The following CRY2 variants were observed in gnomAD, a reference collection of about 807,000 sequenced individuals.
CRY2 encodes cryptochrome-2.
Under a neutral mutation model 69.5 loss-of-function variants are expected in CRY2, and 31 were observed. The ratio of observed to expected loss-of-function variants is 0.45; its 90% CI spans 0.34 to 0.60. The LOEUF is 0.60. Among genes scored for constraint, CRY2 ranks in the 20% least tolerant of loss-of-function variants. The pLI is 0.02. For missense variants in CRY2, 606 were observed against 797.8 expected (o/e 0.76, Z 2.90); for synonymous variants, 303 against 312.2 (o/e 0.97, Z 0.31).
chr11:45,849,563 G>A (rs947014407), intron 1 of CRY2, among the ~76,000 whole-genome samples: 19 of 151,958 alleles, frequency 1.3e-4, no homozygotes, highest in Admixed American at 9.2e-4. Flanking sequence ...CTTGGCTGCT[G>A]TGCATTGGAA....
chr11:45,847,678 C>T lies in CRY2; in HGVS notation c.188C>T (p.Ser63Phe), dbSNP rs1207063823. Residue 63 changes from serine (S) to phenylalanine (F), a missense_variant, in exon 1 of 12, where the codon TCC becomes TTC. Ser to Phe is a radical substitution (Grantham distance 155). Coordinates refer to ENST00000616080, the MANE Select transcript of CRY2 (RefSeq NM_021117.5). The part of the protein sequence containing the change: ...VYILDPWFAA[S>F]SSVGINRWRF... ...ATTCTCGACCCGTGGTTCGCGGCCTCCTCCTCAGTCGGGATCAACCGATGG... is the reference window on the plus strand; with the variant it reads ...ATTCTCGACCCGTGGTTCGCGGCCTTCTCCTCAGTCGGGATCAACCGATGG... 1.9e-6 allele frequency: 3 copies of T among 1,583,480 alleles called. No individual in the cohort carries two copies. Among genetic ancestry groups the T allele is most frequent in the African/African-American group, 1.3e-5 (1 of 74,450 alleles).
rs751909436 is a variant in CRY2, at chr11:45,869,657, C to T, written c.1034C>T (p.Ala345Val). 1.2e-6 allele frequency: 2 copies of T among 1,614,152 alleles called. No homozygotes were observed. Among genetic ancestry groups the T allele is most frequent in the East Asian group, 4.5e-5 (2 of 44,900 alleles). ...ATCCCCTGGGACCGCAATCCTGAGGCCCTGGCCAAGTGGGCTGAGGGCAAG... is the reference window on the plus strand; with the variant it reads ...ATCCCCTGGGACCGCAATCCTGAGGTCCTGGCCAAGTGGGCTGAGGGCAAG... ...IQIPWDRNPE[A>V]LAKWAEGKTG... The change falls in exon 7 of 12, where the codon GCC becomes GTC. Residue 345 changes from alanine (A) to valine (V), a missense_variant. Transcript: ENST00000616080.
Position 45,870,352 on chromosome 11 carries a change from G to A in CRY2, c.1369G>A (p.Ala457Thr), listed in dbSNP as rs981321835. The A allele has an allele frequency of 9.9e-6, 16 of 1,614,084 alleles. No homozygotes were observed. Among genetic ancestry groups the A allele is most frequent in the Non-Finnish European group, 1.4e-5 (16 of 1,180,058 alleles). Reference sequence around the variant, plus strand: ...CAGGCGATACCTGCCCAAATTGAAAGCGTTCCCCTCTCGATACATCTATGA... The same window carrying A: ...CAGGCGATACCTGCCCAAATTGAAAACGTTCCCCTCTCGATACATCTATGA... Reference protein sequence around the residue: ...YIRRYLPKLKAFPSRYIYEPW... With the variant: ...YIRRYLPKLKTFPSRYIYEPW... Residue 457 changes from alanine (A) to threonine (T), a missense_variant, in exon 9 of 12, where the codon GCG (alanine) becomes ACG (threonine). Physicochemically the swap from Ala to Thr is moderately conservative, Grantham distance 58. Transcript: ENST00000616080.
intron 11 of CRY2, among the ~76,000 whole-genome samples, chr11:45,875,545 G>A (rs1033319755): frequency 6.6e-6 from 1 of 152,206 alleles, no homozygotes; most frequent in Admixed American, 6.5e-5. Context: ...TCTTGCCCTG[G>A]AGTCCAGAAG....
intron 11 of CRY2, among the ~76,000 whole-genome samples, chr11:45,880,631 A>C (rs1307823871): frequency 6.6e-6 from 1 of 152,200 alleles, no homozygotes; most frequent in East Asian, 1.9e-4. Context: ...TGACTCTCAC[A>C]TAGCCTTGTC....
intron 5 of CRY2, 69 bp downstream of exon 5, chr11:45,862,217 T>A (rs918396399): frequency 7.0e-7 from 1 of 1,437,890 alleles, no homozygotes. Context: ...ACAGGTCATG[T>A]CCATGTCCTT....
intron 5 of CRY2, among the ~76,000 whole-genome samples, chr11:45,866,205 G>A (rs1302623026): frequency 2.0e-5 from 3 of 152,210 alleles, no homozygotes; most frequent in African/African-American, 7.2e-5. Flanking sequence ...CTGCCTGAGA[G>A]GCAGCCAAGT....
chr11:45,878,526 A>T (rs543401975), intron 11 of CRY2, among the ~76,000 whole-genome samples: 4 of 152,222 alleles, frequency 2.6e-5, no homozygotes, highest in Non-Finnish European at 5.9e-5. Flanking sequence ...CAATAAATAC[A>T]TGTACACCTT....
intron 10 of CRY2, among the ~76,000 whole-genome samples, chr11:45,871,693 A>G (rs1429076006): frequency 1.3e-5 from 2 of 152,198 alleles, no homozygotes; most frequent in African/African-American, 4.8e-5. Flanking sequence ...GGGTTTTTCT[A>G]GTTGGCCCAG....
At chr11:45,857,319 T>C (rs1207345486) in intron 2 of CRY2, among the ~76,000 whole-genome samples, 7 of 152,094 alleles carry the variant, frequency 4.6e-5, no homozygotes. Context: ...GAAACAGTCA[T>C]TGGTTGTGAA....
Position 45,869,708 on chromosome 11 carries a change from T to C in CRY2, c.1085T>C (p.Ile362Thr). 6.2e-7 allele frequency: 1 copy of C among 1,614,188 alleles called. No homozygotes were observed. Among genetic ancestry groups the C allele is most frequent in the East Asian group, 2.2e-5 (1 of 44,876 alleles). ...GKTGFPWIDA[I>T]MTQLRQEGWI... is the part of the protein sequence containing the mutation. ...ACAGGCTTCCCTTGGATTGATGCCA[T>C]CATGACCCAACTGAGGCAGGAGGGC... The change falls in exon 7 of 12, where the codon ATC becomes ACC. Residue 362 changes from isoleucine to threonine, a missense_variant. Ile to Thr is a moderately conservative substitution (Grantham distance 89, BLOSUM62 -1). Coordinates refer to ENST00000616080, the MANE Select transcript of CRY2 (RefSeq NM_021117.5).
chr11:45,873,917 T>C (rs2086406116), intron 11 of CRY2, among the ~76,000 whole-genome samples: 1 of 152,218 alleles, frequency 6.6e-6, no homozygotes, highest in African/African-American at 2.4e-5. Flanking sequence ...TGTGATCTTG[T>C]ACAAATGACT....
At chr11:45,860,074 C>T (rs1048479884) in intron 3 of CRY2, among the ~76,000 whole-genome samples, 4 of 152,172 alleles carry the variant, frequency 2.6e-5, no homozygotes, top group Non-Finnish European at 5.9e-5. Flanking sequence ...CCAAGAAGAG[C>T]CCCGGGAATG....
At chr11:45,876,587 C>G (rs2134651070) in intron 11 of CRY2, among the ~76,000 whole-genome samples, 1 of 152,308 alleles carries the variant, frequency 6.6e-6, no homozygotes, top group Non-Finnish European at 1.5e-5. Context: ...TCCATTTGCC[C>G]TTCTGCTGGT....
chr11:45,850,482 A>G (rs1175332473), intron 1 of CRY2, among the ~76,000 whole-genome samples: 2 of 152,158 alleles, frequency 1.3e-5, no homozygotes, highest in African/African-American at 2.4e-5. Context: ...CAGATTGAAT[A>G]TAATAACTGC....
At chr11:45,864,413 A>G (rs754575145) in intron 5 of CRY2, among the ~76,000 whole-genome samples, 2 of 152,182 alleles carry the variant, frequency 1.3e-5, no homozygotes, top group Non-Finnish European at 2.9e-5. Flanking sequence ...TCTTGAACCT[A>G]GGAGTTCAAA....
Position 45,855,169 on chromosome 11 carries a change from C to G in CRY2, c.216-813C>G, listed in dbSNP as rs186827992. Reference sequence around the variant, plus strand: ...GCTGCGGTCTTCCCCACCCCCACCCCCACAAAAATGTGAAGATAGCTATTG... The same window carrying G: ...GCTGCGGTCTTCCCCACCCCCACCCGCACAAAAATGTGAAGATAGCTATTG... On this transcript the variant is annotated intron_variant, in intron 1 of 11. Coordinates refer to ENST00000616080, the MANE Select transcript of CRY2 (RefSeq NM_021117.5). 4.4e-3 allele frequency among the ~76,000 whole-genome samples: 669 copies of G among 151,372 alleles called. 17 individuals are homozygous for G. The South Asian group carries it at 0.085, about 19-fold the overall frequency.
intron 2 of CRY2, 113 bp from the exon 3 acceptor site, chr11:45,858,618 C>T (rs1303102383): frequency 4.3e-6 from 5 of 1,155,060 alleles, no homozygotes. Flanking sequence ...TTTCTGCTGC[C>T]CATCAGATAG....
intron 1 of CRY2, among the ~76,000 whole-genome samples, chr11:45,853,161 A>T (rs892285409): frequency 4.6e-5 from 7 of 152,232 alleles, no homozygotes; most frequent in African/African-American, 1.7e-4. Context: ...TCTATGCCTC[A>T]GTTCCCTCAT....
Sources: allele counts gnomAD v4.1 joint callset (sites outside exome capture counted in the v4.1 genomes callset), GRCh38; gene constraint gnomAD v4.1.1; transcripts MANE v1.5; gene names NCBI Gene and HGNC (gene_info 2026-07-23, HGNC 2026-07-21).